Variants in ANXA6 observed in about 807,000 individuals in gnomAD.
ANXA6 encodes 67 kDa calelectrin.
In ANXA6, 71 loss-of-function variants were observed where a neutral mutation model predicts 95.4. The observed-to-expected ratio is 0.74, with a 90% CI of 0.61 to 0.91. The LOEUF (loss-of-function observed/expected upper bound fraction) is 0.91. ANXA6 is among the 40% of genes least tolerant of loss of function. The probability of loss-of-function intolerance (pLI) is 0.00; values close to 1 mark genes in which losing one functional copy is unlikely to be tolerated. For synonymous variants in ANXA6, 289 were observed against 315.9 expected, an observed-to-expected ratio of 0.91 and a Z score of 0.90; for missense variants, 830 against 876.4, an observed-to-expected ratio of 0.95 and a Z score of 0.67.
At chr5:151,128,340 T>C (rs1381789694) in intron 12 of ANXA6, 101 bp from the exon 13 acceptor site, 1 of 992,370 alleles carries the variant, frequency 1.0e-6, no homozygotes, top group Non-Finnish European at 1.5e-6. Context: ...GAAGGCTGAA[T>C]GAACACTTAT....
At chr5:151,112,106 A>T (rs888595732) in intron 20 of ANXA6, among the ~76,000 whole-genome samples, 3 of 152,134 alleles carry the variant, frequency 2.0e-5, no homozygotes, top group Non-Finnish European at 2.9e-5. Flanking sequence ...TTCATACTAG[A>T]GAAAAACTGT....
At chr5:151,135,842 G>A (rs756629742) in intron 7 of ANXA6, among the ~76,000 whole-genome samples, 2 of 152,102 alleles carry the variant, frequency 1.3e-5, no homozygotes, top group Admixed American at 6.5e-5. Context: ...ATCCAACTTG[G>A]CAGGTTGAAT....
chr5:151,101,321 C>G lies in ANXA6; in HGVS notation c.*127G>C. On this transcript the variant is annotated 3_prime_UTR_variant, in exon 26 of 26. Coordinates refer to ENST00000354546, the MANE Select transcript of ANXA6 (RefSeq NM_001155.5). ...TCCTAAGCTCCACTGAAGATAAGAGCCCAACCCAACCCCTCCCCCCACCCC... is the reference window on the plus strand; with the variant it reads ...TCCTAAGCTCCACTGAAGATAAGAGGCCAACCCAACCCCTCCCCCCACCCC... 4.0e-6 allele frequency: 2 copies of G among 494,526 alleles called. No individual in the cohort carries two copies. The highest frequency in any genetic ancestry group is 7.7e-6 in the Non-Finnish European group (2 of 259,744). 30.6% of individuals were successfully genotyped at this position (494,526 alleles called of 1,614,324 possible). A position where few individuals can be genotyped will look rare whatever the true frequency, so the allele number is the denominator to read the frequency against.
intron 20 of ANXA6, among the ~76,000 whole-genome samples, chr5:151,115,230 A>G (rs1428861264): frequency 6.6e-6 from 1 of 152,234 alleles, no homozygotes; most frequent in Non-Finnish European, 1.5e-5. Flanking sequence ...CAACTAGAAT[A>G]ATGTATGCCA....
At chr5:151,120,390 T>C (rs1382706163) in intron 17 of ANXA6, among the ~76,000 whole-genome samples, 1 of 144,282 alleles carries the variant, frequency 6.9e-6, no homozygotes, top group South Asian at 2.2e-4. Context: ...TGCTAGCCAC[T>C]GTGCAAGGTG....
At chr5:151,135,807 C>T (rs1373031923) in intron 7 of ANXA6, among the ~76,000 whole-genome samples, 2 of 152,324 alleles carry the variant, frequency 1.3e-5, no homozygotes, top group African/African-American at 2.4e-5. Flanking sequence ...TCTTAAAACA[C>T]ATTTTATGGG....
chr5:151,103,200 T>C (rs1764596515), intron 25 of ANXA6, among the ~76,000 whole-genome samples: 1 of 152,208 alleles, frequency 6.6e-6, no homozygotes, highest in Non-Finnish European at 1.5e-5. Flanking sequence ...TTTCACCATG[T>C]TGGCCAGGCT....
chr5:151,138,926 G>GT, intron 4 of ANXA6, 135 bp from the exon 5 acceptor site: 1 of 678,028 alleles, frequency 1.5e-6, no homozygotes, highest in Non-Finnish European at 2.6e-6. Context: ...ACCCTTGGAG[G>GT]TATGTACTGT....
chr5:151,119,233 G>A, intron 18 of ANXA6, 67 bp downstream of exon 18: 1 of 1,325,810 alleles, frequency 7.5e-7, no homozygotes, highest in Non-Finnish European at 1.1e-6. Context: ...AGAGCTGTGG[G>A]CTGGGGTTGG....
Position 151,122,232 on chromosome 5 carries a change from A to G in ANXA6, c.1262T>C (p.Ile421Thr), listed in dbSNP as rs770869120. Residue 421 changes from isoleucine to threonine, a missense_variant, in exon 17 of 26, where the codon ATC becomes ACC. Ile to Thr is a moderately conservative substitution (Grantham distance 89). Coordinates refer to ENST00000354546, the MANE Select transcript of ANXA6 (RefSeq NM_001155.5). ...AATCAGCCTTGCCAGGTCTCCAGAGATCTCAGACTTCAGGTCAGTCATTAA... is the reference window on the plus strand; with the variant it reads ...AATCAGCCTTGCCAGGTCTCCAGAGGTCTCAGACTTCAGGTCAGTCATTAA... ...RDLMTDLKSE[I>T]SGDLARLILG... The G allele has an allele frequency of 1.2e-5, 19 of 1,605,612 alleles. 1 individual carries two copies. The highest frequency in any genetic ancestry group is 1.4e-5 in the Non-Finnish European group (17 of 1,176,814).
At chr5:151,133,008 T>C (rs775511517) in intron 9 of ANXA6, 86 bp downstream of exon 9, 8 of 975,512 alleles carry the variant, frequency 8.2e-6, no homozygotes, top group East Asian at 2.7e-5. Flanking sequence ...CATGTTCCAT[T>C]AGTGGTAAAG....
intron 20 of ANXA6, among the ~76,000 whole-genome samples, chr5:151,112,339 G>C (rs562872900): frequency 1.7e-4 from 26 of 152,176 alleles, no homozygotes; most frequent in African/African-American, 6.0e-4. Context: ...ATACTTCCTG[G>C]GAAGTACTTA....
At chr5:151,153,097 G>C (rs1766146819) in intron 1 of ANXA6, among the ~76,000 whole-genome samples, 1 of 152,088 alleles carries the variant, frequency 6.6e-6, no homozygotes, top group Admixed American at 6.5e-5. Context: ...TTAATACTGG[G>C]CCTCTAAGCT....
chr5:151,118,996 T>C lies in ANXA6; in HGVS notation c.1438+304A>G, dbSNP rs1003759741. 1.3e-5 allele frequency among the ~76,000 whole-genome samples: 2 copies of C among 152,224 alleles called. 1 individual carries two copies. On this transcript the variant is annotated intron_variant, in intron 18 of 25. Transcript: ENST00000354546. ...ACCAAGTGTGGGGCCCTTCTGGCTG[T>C]GGGGCCCTGTAGAACTGCATGGACT... is the stretch of plus-strand genomic sequence containing the variant.
At chr5:151,131,727 G>A (rs1765520115) in intron 10 of ANXA6, among the ~76,000 whole-genome samples, 1 of 152,166 alleles carries the variant, frequency 6.6e-6, no homozygotes, top group African/African-American at 2.4e-5. Flanking sequence ...GCAGGGGATG[G>A]CTCTGGGAGG....
At chr5:151,113,174 G>C (rs1285714183) in intron 20 of ANXA6, among the ~76,000 whole-genome samples, 2 of 152,218 alleles carry the variant, frequency 1.3e-5, no homozygotes, top group Admixed American at 1.3e-4. Context: ...GCTGAGGCAG[G>C]TTGATCACCT....
intron 2 of ANXA6, among the ~76,000 whole-genome samples, chr5:151,142,723 T>C (rs1765870071): frequency 6.6e-6 from 1 of 152,140 alleles, no homozygotes; most frequent in African/African-American, 2.4e-5. Flanking sequence ...GAGACACCCA[T>C]GACGGCCCAA....
intron 13 of ANXA6, among the ~76,000 whole-genome samples, chr5:151,127,173 C>T (rs1467297894): frequency 6.6e-6 from 1 of 152,232 alleles, no homozygotes; most frequent in Non-Finnish European, 1.5e-5. Flanking sequence ...ATGGCCATGC[C>T]AGCCCTGCAT....
rs564665510 is a variant in ANXA6, at chr5:151,101,827, G to A, written c.1963-320C>T. On this transcript the variant is annotated intron_variant, in intron 25 of 25. Transcript: ENST00000354546. ...TCCTCTCTCCACCTGTCACTCCCCT[G>A]TCCAACATGCCCCTGTGCACCCCCA... Among the ~76,000 whole-genome samples the A allele has an allele frequency of 6.6e-5, 10 of 152,168 alleles. No individual in the cohort carries two copies. In the South Asian group the frequency reaches 1.5e-3, roughly 22 times the overall value.
Sources: allele counts gnomAD v4.1 joint callset (sites outside exome capture counted in the v4.1 genomes callset), GRCh38; gene constraint gnomAD v4.1.1; transcripts MANE v1.5; gene names NCBI Gene and HGNC (gene_info 2026-07-23, HGNC 2026-07-21).